Variants in TANGO6 observed in about 807,000 individuals in gnomAD.
The protein encoded by TANGO6 is transport and golgi organization 6 homolog.
Under a neutral mutation model 114.2 loss-of-function variants are expected in TANGO6, and 90 were observed. The ratio of observed to expected loss-of-function variants is 0.79; its 90% CI spans 0.66 to 0.94. TANGO6 has a LOEUF of 0.94. Among genes scored for constraint, TANGO6 ranks in the 40% least tolerant of loss-of-function variants. The pLI is 0.00. For missense variants in TANGO6, 1,274 were observed against 1,315.3 expected (o/e 0.97, Z 0.49); for synonymous variants, 477 against 509.8 (o/e 0.94, Z 0.87).
At chr16:68,853,263 G>A (rs1374943958) in intron 1 of TANGO6, among the ~76,000 whole-genome samples, 1 of 149,366 alleles carries the variant, frequency 6.7e-6, no homozygotes, top group Non-Finnish European at 1.5e-5. Flanking sequence ...GGGTGACAGA[G>A]CGAGACTCTG....
intron 15 of TANGO6, among the ~76,000 whole-genome samples, chr16:68,983,886 A>G (rs192552379): frequency 4.5e-4 from 68 of 152,144 alleles, no homozygotes; most frequent in African/African-American, 1.6e-3. Flanking sequence ...ACAAAAAATT[A>G]GCCAGTCGTG....
intron 15 of TANGO6, among the ~76,000 whole-genome samples, chr16:69,022,423 G>A (rs181788511): frequency 6.6e-6 from 1 of 152,158 alleles, no homozygotes; most frequent in Non-Finnish European, 1.5e-5. Flanking sequence ...TAAGACATTG[G>A]TCATGTACGG....
chr16:68,894,483 A>AGG (rs879925973), intron 7 of TANGO6, among the ~76,000 whole-genome samples: 1 of 151,934 alleles, frequency 6.6e-6, no homozygotes, highest in Non-Finnish European at 1.5e-5. Flanking sequence ...GAGGAAGGGG[A>AGG]GGTGTTACAG....
intron 14 of TANGO6, chr16:68,948,168 A>G (rs192021181): frequency 8.8e-4 from 134 of 152,310 alleles, no homozygotes; most frequent in African/African-American, 2.8e-3. Context: ...AGATTGATAC[A>G]TTCAAATTTG....
At chr16:69,041,127 C>G (rs1428711321) in intron 17 of TANGO6, among the ~76,000 whole-genome samples, 1 of 151,964 alleles carries the variant, frequency 6.6e-6, no homozygotes, top group Non-Finnish European at 1.5e-5. Flanking sequence ...AGTATTTAAC[C>G]AAGTGTCAGT....
intron 14 of TANGO6, among the ~76,000 whole-genome samples, chr16:68,931,861 CA>C (rs758616375): frequency 7.9e-4 from 120 of 152,090 alleles, no homozygotes; most frequent in Non-Finnish European, 1.2e-3. Flanking sequence ...TTGAGTTATG[CA>C]CTTTTTTTTT....
chr16:69,023,805 G>C (rs1049779037), intron 16 of TANGO6, among the ~76,000 whole-genome samples: 2 of 152,076 alleles, frequency 1.3e-5, no homozygotes, highest in African/African-American at 2.4e-5. Flanking sequence ...GTATGTAGTA[G>C]GTAATCAGTA....
intron 7 of TANGO6, among the ~76,000 whole-genome samples, chr16:68,894,783 TAA>T (rs1352195698): frequency 6.6e-6 from 1 of 152,020 alleles, no homozygotes; most frequent in Non-Finnish European, 1.5e-5. Context: ...TTAGTGGCAT[TAA>T]GTTTATTCAC....
chr16:68,928,082 A>G lies in TANGO6; in HGVS notation c.2642A>G (p.Lys881Arg). 1 of 1,572,154 alleles carries G rather than the reference A, an allele frequency of 6.4e-7. No homozygotes were observed. The highest frequency in any genetic ancestry group is 8.6e-7 in the Non-Finnish European group (1 of 1,158,304). ...CTTGAGATGCAAGAGAAGCTTCTCA[A>G]GGTGAGTAGAACACACTGTAAAGAC... ...KALEMQEKLLKIFLENLEHED... is the reference protein window; with the variant it reads ...KALEMQEKLLRIFLENLEHED... The change falls in exon 13 of 18, where the codon AAG becomes AGG. Residue 881 changes from lysine to arginine, a missense_variant and splice_region_variant. Around this residue, in one of 5 missense-constraint regions of TANGO6, gnomAD observed 10 missense variants for 29.9 expected, o/e 0.33. Coordinates refer to ENST00000261778, the MANE Select transcript of TANGO6 (RefSeq NM_024562.2).
Position 69,062,856 on chromosome 16 carries a change from G to C in TANGO6, c.3109-20629G>C, listed in dbSNP as rs145079084. On this transcript the variant is annotated intron_variant, in intron 17 of 17. Coordinates refer to ENST00000261778, the MANE Select transcript of TANGO6 (RefSeq NM_024562.2). Reference sequence around the variant, plus strand: ...CATGCCTGTAATCCTAGCACTTTGGGAAGCCAAGGTGGTGAATCACGAGGT... The same window carrying C: ...CATGCCTGTAATCCTAGCACTTTGGCAAGCCAAGGTGGTGAATCACGAGGT... Among the ~76,000 whole-genome samples, 626 of 151,576 alleles carry C rather than the reference G, an allele frequency of 4.1e-3. 7 individuals are homozygous for C. The highest frequency in any genetic ancestry group is 0.014 in the African/African-American group (598 of 41,346).
intron 14 of TANGO6, among the ~76,000 whole-genome samples, chr16:68,964,563 A>ATTTTTTT (rs762474177): frequency 7.5e-6 from 1 of 133,362 alleles, no homozygotes; most frequent in Non-Finnish European, 1.6e-5. Flanking sequence ...AAACATATTA[A>ATTTTTTT]TTTTTTTTTT....
chr16:69,023,673 A>G (rs1320439599), intron 16 of TANGO6, among the ~76,000 whole-genome samples: 1 of 152,056 alleles, frequency 6.6e-6, no homozygotes, highest in Non-Finnish European at 1.5e-5. Context: ...GAAAAATCTC[A>G]GGCAAATACT....
intron 7 of TANGO6, among the ~76,000 whole-genome samples, chr16:68,896,587 G>C (rs552683756): frequency 6.6e-6 from 1 of 151,788 alleles, no homozygotes; most frequent in Admixed American, 6.6e-5. Context: ...GGGATTATAG[G>C]CATGAGCCAC....
chr16:68,973,077 G>T lies in TANGO6; in HGVS notation c.2702-951G>T, dbSNP rs550123086. On this transcript the variant is annotated intron_variant, in intron 14 of 17. Transcript: ENST00000261778. ...GAAGGGAAACCACTGAGGGGTCTGG[G>T]CAGAAGCATGAAGGGGCCAGACTTA... 633 of 455,638 alleles carry T rather than the reference G, an allele frequency of 1.4e-3. 5 individuals carry two copies. The highest frequency in any genetic ancestry group is 6.2e-4 in the Non-Finnish European group (140 of 226,628). The allele number at this position is 455,638 out of a possible 1,614,324, so 28.2% of individuals were successfully genotyped here. A position where few individuals can be genotyped will look rare whatever the true frequency, so the allele number is the denominator to read the frequency against.
At chr16:69,042,037 T>G (rs1567564268) in intron 17 of TANGO6, among the ~76,000 whole-genome samples, 1 of 152,184 alleles carries the variant, frequency 6.6e-6, no homozygotes, top group Non-Finnish European at 1.5e-5. Flanking sequence ...TAGGACAGTT[T>G]CCCAGAACCC....
intron 7 of TANGO6, chr16:68,900,137 C>T: frequency 3.2e-6 from 1 of 311,276 alleles, no homozygotes; most frequent in Non-Finnish European, 5.8e-6. Context: ...GAAACTCAGA[C>T]ATAGCCAAAA....
intron 17 of TANGO6, among the ~76,000 whole-genome samples, chr16:69,056,997 C>CTT (rs71148961): frequency 0.01 from 621 of 59,918 alleles, 75 homozygotes; most frequent in African/African-American, 0.016. Context: ...GCCTGATTTT[C>CTT]TTTTTTTTTT....
At chr16:69,057,188 G>A (rs2152238982) in intron 17 of TANGO6, among the ~76,000 whole-genome samples, 1 of 151,628 alleles carries the variant, frequency 6.6e-6, no homozygotes, top group South Asian at 2.1e-4. Context: ...TTTCAAAAAT[G>A]GTAAATTGCT....
chr16:68,882,413 C>T (rs558604602), intron 7 of TANGO6, among the ~76,000 whole-genome samples: 52 of 151,852 alleles, frequency 3.4e-4, no homozygotes, highest in East Asian at 1.2e-3. Context: ...AGGAGAATGG[C>T]GTGAACCTGG....
Sources: gnomAD v4.1 joint callset for allele counts (sites outside exome capture counted in the v4.1 genomes callset) on GRCh38, gnomAD v4.1.1 for gene constraint, gnomAD v4.1.1 regional missense constraint, MANE v1.5 for transcripts, NCBI Gene and HGNC (gene_info 2026-07-23, HGNC 2026-07-21) for gene names.